Variants in CCSER1 observed in about 807,000 individuals in gnomAD.
CCSER1 encodes the protein coiled-coil serine rich protein 1.
Under a neutral mutation model 82.0 loss-of-function variants are expected in CCSER1, and 41 were observed. The observed-to-expected ratio is 0.50, with a 90% CI of 0.39 to 0.65. The LOEUF is 0.65. Ranked by LOEUF, CCSER1 falls within the 30% of genes least tolerant of loss-of-function variation. The pLI, the probability that CCSER1 is intolerant of heterozygous loss-of-function variation, is 0.00. For missense variants in CCSER1, 1,119 were observed against 1,064.2 expected (o/e 1.05, Z -0.72); for synonymous variants, 414 against 383.9 (o/e 1.08, Z -0.92).
chr4:90,278,753 A>G (rs914406628), intron 1 of CCSER1, among the ~76,000 whole-genome samples: 2 of 152,070 alleles, frequency 1.3e-5, no homozygotes, highest in African/African-American at 2.4e-5. Context: ...TCACAGGTTC[A>G]TTCATACCTC....
chr4:91,022,108 G>A (rs899726249), intron 9 of CCSER1, among the ~76,000 whole-genome samples: 3 of 151,176 alleles, frequency 2.0e-5, no homozygotes, highest in Non-Finnish European at 2.9e-5. Context: ...CCATTAACTC[G>A]TCATTTAACA....
chr4:90,693,493 A>C (rs1736404625), intron 6 of CCSER1: 1 of 151,908 alleles, frequency 6.6e-6, no homozygotes, highest in African/African-American at 2.4e-5. Flanking sequence ...GGGTGAGACT[A>C]GTCGAGTGAG....
chr4:90,942,000 G>T (rs534959698), intron 9 of CCSER1, among the ~76,000 whole-genome samples: 1 of 152,054 alleles, frequency 6.6e-6, no homozygotes, highest in Admixed American at 6.6e-5. Flanking sequence ...CCAGGCTGCA[G>T]TGCAAGTGGT....
At chr4:90,245,782 C>A (rs1721309629) in intron 1 of CCSER1, among the ~76,000 whole-genome samples, 1 of 152,044 alleles carries the variant, frequency 6.6e-6, no homozygotes, top group Admixed American at 6.6e-5. Flanking sequence ...GTGAAAAGGA[C>A]AAGTGCAGTG....
chr4:90,950,634 T>C (rs997966453), intron 9 of CCSER1, among the ~76,000 whole-genome samples: 1 of 152,090 alleles, frequency 6.6e-6, no homozygotes, highest in Non-Finnish European at 1.5e-5. Context: ...TGTGTAACTA[T>C]AGAGCCAAGA....
intron 4 of CCSER1, among the ~76,000 whole-genome samples, chr4:90,426,783 C>T (rs954439860): frequency 6.6e-6 from 1 of 151,964 alleles, no homozygotes; most frequent in Admixed American, 6.6e-5. Flanking sequence ...CAGTAAAAGC[C>T]ATCATCAAGT....
intron 9 of CCSER1, among the ~76,000 whole-genome samples, chr4:90,950,509 C>T (rs776402473): frequency 2.0e-5 from 3 of 151,040 alleles, no homozygotes; most frequent in Non-Finnish European, 4.4e-5. Flanking sequence ...TACACATACA[C>T]ACACACGTGC....
chr4:90,361,674 C>T (rs1271068429), intron 3 of CCSER1, among the ~76,000 whole-genome samples: 2 of 152,162 alleles, frequency 1.3e-5, no homozygotes, highest in Non-Finnish European at 2.9e-5. Flanking sequence ...CTAGCAGTCC[C>T]CAGTGCCCAT....
chr4:91,258,079 A>G (rs1185306713), intron 10 of CCSER1, among the ~76,000 whole-genome samples: 1 of 152,122 alleles, frequency 6.6e-6, no homozygotes, highest in Non-Finnish European at 1.5e-5. Context: ...TTTTAAATAT[A>G]TACATGTCAA....
intron 8 of CCSER1, among the ~76,000 whole-genome samples, chr4:90,916,361 A>G (rs916853498): frequency 3.9e-5 from 6 of 152,116 alleles, no homozygotes; most frequent in Admixed American, 3.3e-4. Flanking sequence ...ATAATGCCAC[A>G]TATCTACAAC....
At chr4:90,334,770 T>C (rs564523215) in intron 3 of CCSER1, among the ~76,000 whole-genome samples, 1 of 152,288 alleles carries the variant, frequency 6.6e-6, no homozygotes. Flanking sequence ...ATGAATTATT[T>C]ATATTTTGGC....
At chr4:90,808,908 G>T (rs527935280) in intron 7 of CCSER1, among the ~76,000 whole-genome samples, 15 of 152,146 alleles carry the variant, frequency 9.9e-5, no homozygotes, top group Admixed American at 7.9e-4. Context: ...CAAAGGAAAA[G>T]AAATCATTAT....
chr4:91,505,632 C>T (rs1005855127), intron 10 of CCSER1, among the ~76,000 whole-genome samples: 85 of 152,134 alleles, frequency 5.6e-4, no homozygotes, highest in African/African-American at 2.0e-3. Context: ...TTAGTAATCA[C>T]CATTCTGACT....
At chr4:91,415,118 C>T (rs1311285329) in intron 10 of CCSER1, among the ~76,000 whole-genome samples, 1 of 152,082 alleles carries the variant, frequency 6.6e-6, no homozygotes, top group African/African-American at 2.4e-5. Flanking sequence ...CATCTAACAG[C>T]ATCAGAATAC....
intron 10 of CCSER1, among the ~76,000 whole-genome samples, chr4:91,190,156 G>A (rs1206589250): frequency 6.6e-6 from 1 of 152,168 alleles, no homozygotes; most frequent in Non-Finnish European, 1.5e-5. Context: ...TGTAGAACAT[G>A]TTTCCCTCAC....
chr4:90,392,399 C>A lies in CCSER1; in HGVS notation c.1510-7637C>A, dbSNP rs540352733. ...TTTTCTAAACAGCAAAGTATTATAGCATAACTTTTAAGTTTTAGTATTTTA... is the reference window on the plus strand; with the variant it reads ...TTTTCTAAACAGCAAAGTATTATAGAATAACTTTTAAGTTTTAGTATTTTA... On this transcript the variant is annotated intron_variant, in intron 3 of 10. Coordinates refer to ENST00000509176, the MANE Select transcript of CCSER1 (RefSeq NM_001145065.2). Among the ~76,000 whole-genome samples, 16 of 152,070 alleles carry A rather than the reference C, an allele frequency of 1.1e-4. No individual in the cohort carries two copies. In the South Asian group the frequency reaches 2.5e-3, roughly 24 times the overall value.
intron 10 of CCSER1, among the ~76,000 whole-genome samples, chr4:91,379,087 C>G (rs891089800): frequency 6.6e-6 from 1 of 152,118 alleles, no homozygotes; most frequent in East Asian, 1.9e-4. Flanking sequence ...AGCCTTGCAT[C>G]CCAGGGATGA....
chr4:91,595,001 G>A (rs1764495999), intron 10 of CCSER1, among the ~76,000 whole-genome samples: 1 of 151,718 alleles, frequency 6.6e-6, no homozygotes, highest in Non-Finnish European at 1.5e-5. Flanking sequence ...GAGAGTGTTG[G>A]CAACTGATAG....
chr4:90,629,071 A>G (rs1372959477), intron 6 of CCSER1, among the ~76,000 whole-genome samples: 1 of 152,144 alleles, frequency 6.6e-6, no homozygotes, highest in African/African-American at 2.4e-5. Context: ...GATATTAATA[A>G]AGAATTGAGA....
Sources: gnomAD v4.1 joint callset for allele counts (sites outside exome capture counted in the v4.1 genomes callset) on GRCh38, gnomAD v4.1.1 for gene constraint, MANE v1.5 for transcripts, NCBI Gene and HGNC (gene_info 2026-07-23, HGNC 2026-07-21) for gene names.